The following CCNY variants were observed in gnomAD, a reference collection of about 807,000 sequenced individuals.
The protein encoded by CCNY is cyclin-Y.
Under a neutral mutation model 42.8 loss-of-function variants are expected in CCNY, and 19 were observed. The observed-to-expected ratio is 0.44, with a 90% CI of 0.31 to 0.65. The LOEUF is 0.65. Ranked by LOEUF, CCNY falls within the 30% of genes least tolerant of loss-of-function variation. The probability of loss-of-function intolerance (pLI) is 0.07; values close to 1 mark genes in which losing one functional copy is unlikely to be tolerated. For synonymous variants in CCNY, 165 were observed against 162.7 expected (o/e 1.01, Z -0.11); for missense variants, 370 against 437.3 (o/e 0.85, Z 1.37).
intron 3 of CCNY, among the ~76,000 whole-genome samples, chr10:35,290,676 C>T (rs967343352): frequency 6.6e-6 from 1 of 152,084 alleles, no homozygotes; most frequent in Non-Finnish European, 1.5e-5. Context: ...CATTACCACA[C>T]TTTTGCCAGG....
intron 1 of CCNY, among the ~76,000 whole-genome samples, chr10:35,406,929 A>G (rs538297453): frequency 6.6e-6 from 1 of 152,170 alleles, no homozygotes; most frequent in South Asian, 2.1e-4. Context: ...AGCTTTTTCT[A>G]ATGTCGGGAG....
At chr10:35,529,853 G>A (rs1252710715) in intron 5 of CCNY, 120 bp from the exon 6 acceptor site, 11 of 901,366 alleles carry the variant, frequency 1.2e-5, no homozygotes, top group African/African-American at 1.7e-5. Context: ...CTGGGCAACA[G>A]AGTGAGACTC....
In CCNY at chr10:35,449,539, A is replaced by G. The variant is rs558380863; in HGVS notation, c.155-33865A>G. 8.3e-4 allele frequency among the ~76,000 whole-genome samples: 126 copies of G among 152,020 alleles called. 1 individual carries two copies. The highest frequency in any genetic ancestry group is 2.9e-3 in the African/African-American group (119 of 41,496). The stretch of plus-strand genomic sequence containing the variant: ...AGCAAAGAAATAGAGGGAAGGCTGC[A>G]GAGGGGGAGGCTGGTTGAGAGCTGT... On this transcript the variant is annotated intron_variant, in intron 1 of 9. Transcript: ENST00000374704.
Position 35,383,014 on chromosome 10 carries a change from A to C in CCNY, c.154+45807A>C, listed in dbSNP as rs375343872. Among the ~76,000 whole-genome samples the C allele has an allele frequency of 5.3e-5, 8 of 152,266 alleles. No homozygotes were observed. In the South Asian group the frequency reaches 1.7e-3, roughly 32 times the overall value. The stretch of plus-strand genomic sequence containing the variant: ...CCTTGGGTCTGAGCCACATTAGTCC[A>C]CTTATATGTGGATTGTTTTCAATTG... On this transcript the variant is annotated intron_variant, in intron 1 of 9. Transcript: ENST00000374704.
At chr10:35,534,744 C>T (rs773414132) in intron 7 of CCNY, among the ~76,000 whole-genome samples, 2 of 151,988 alleles carry the variant, frequency 1.3e-5, no homozygotes, top group Non-Finnish European at 2.9e-5. Context: ...ATTCACTCCT[C>T]GTTCTTAGCC....
intron 1 of CCNY, among the ~76,000 whole-genome samples, chr10:35,397,608 T>C (rs1171862154): frequency 6.6e-6 from 1 of 152,082 alleles, no homozygotes; most frequent in African/African-American, 2.4e-5. Flanking sequence ...TAAGGTCAGG[T>C]CAGCCTTGTA....
chr10:35,374,468 G>A (rs1837007162), intron 1 of CCNY, among the ~76,000 whole-genome samples: 2 of 152,166 alleles, frequency 1.3e-5, no homozygotes, highest in African/African-American at 4.8e-5. Flanking sequence ...CTCTCATCTT[G>A]TGATAAATGA....
chr10:35,441,585 A>G (rs1269421402), intron 1 of CCNY, among the ~76,000 whole-genome samples: 3 of 152,136 alleles, frequency 2.0e-5, no homozygotes, highest in Non-Finnish European at 2.9e-5. Flanking sequence ...TCTCAACTAA[A>G]AATAAAAAAG....
At chr10:35,267,967 C>T (rs1307110221) in intron 3 of CCNY, among the ~76,000 whole-genome samples, 1 of 152,078 alleles carries the variant, frequency 6.6e-6, no homozygotes, top group Admixed American at 6.6e-5. Context: ...CATGACCAGA[C>T]TGGAGTGCAG....
intron 5 of CCNY, among the ~76,000 whole-genome samples, chr10:35,528,750 G>A (rs894673822): frequency 1.3e-5 from 2 of 152,110 alleles, no homozygotes; most frequent in African/African-American, 4.8e-5. Flanking sequence ...AATTGCTGTT[G>A]TGCAAATGTA....
chr10:35,387,431 G>A (rs1379607515), intron 1 of CCNY, among the ~76,000 whole-genome samples: 4 of 152,154 alleles, frequency 2.6e-5, no homozygotes, highest in Non-Finnish European at 5.9e-5. Flanking sequence ...GCTCTGGGCC[G>A]CCATGAGACT....
chr10:35,338,457 C>T (rs747789327), intron 1 of CCNY, among the ~76,000 whole-genome samples: 7 of 152,190 alleles, frequency 4.6e-5, no homozygotes, highest in African/African-American at 1.7e-4. Flanking sequence ...TTTAGATTTC[C>T]ATTATTTTAA....
chr10:35,388,683 A>G (rs1837346618), intron 1 of CCNY, among the ~76,000 whole-genome samples: 1 of 152,244 alleles, frequency 6.6e-6, no homozygotes, highest in South Asian at 2.1e-4. Flanking sequence ...CTGCTGCCAC[A>G]ACAAATTGCT....
At chr10:35,328,432 A>G (rs1394082792) in intron 3 of CCNY, among the ~76,000 whole-genome samples, 1 of 152,212 alleles carries the variant, frequency 6.6e-6, no homozygotes, top group Non-Finnish European at 1.5e-5. Flanking sequence ...GGCATTTATC[A>G]TACAGTGACC....
intron 2 of CCNY, among the ~76,000 whole-genome samples, chr10:35,485,557 C>G (rs930650389): frequency 6.6e-6 from 1 of 152,070 alleles, no homozygotes; most frequent in Admixed American, 6.5e-5. Context: ...AACCCCGTCT[C>G]TACTAAAAAT....
intron 3 of CCNY, among the ~76,000 whole-genome samples, chr10:35,289,918 A>G (rs1449218985): frequency 6.7e-6 from 1 of 149,768 alleles, no homozygotes; most frequent in Non-Finnish European, 1.5e-5. Flanking sequence ...TTATTTGTTG[A>G]CTATGAACAT....
At chr10:35,443,008 G>A (rs1838707815) in intron 1 of CCNY, among the ~76,000 whole-genome samples, 1 of 152,174 alleles carries the variant, frequency 6.6e-6, no homozygotes, top group Non-Finnish European at 1.5e-5. Context: ...CAGTGGTTAA[G>A]AACTTGTATA....
At chr10:35,285,285 C>T (rs1366972826) in intron 3 of CCNY, among the ~76,000 whole-genome samples, 3 of 152,184 alleles carry the variant, frequency 2.0e-5, no homozygotes, top group African/African-American at 7.2e-5. Context: ...ATCCGCCCAC[C>T]TCGGCCTCCC....
intron 3 of CCNY, among the ~76,000 whole-genome samples, chr10:35,254,319 A>G (rs941667920): frequency 1.3e-5 from 2 of 152,182 alleles, no homozygotes; most frequent in Non-Finnish European, 2.9e-5. Context: ...CAAATGAGCC[A>G]TTTGGAAATT....
Sources: allele counts gnomAD v4.1 joint callset (sites outside exome capture counted in the v4.1 genomes callset), GRCh38; gene constraint gnomAD v4.1.1; transcripts MANE v1.5; gene names NCBI Gene and HGNC (gene_info 2026-07-23, HGNC 2026-07-21).